SBF2: variants seen among roughly 807,000 people sequenced by gnomAD.
SBF2 encodes SET binding factor 2.
SBF2 carries 112 observed loss-of-function variants against 225.2 expected under a neutral mutation model. The ratio of observed to expected loss-of-function variants is 0.50; its 90% CI spans 0.43 to 0.58. The LOEUF is 0.58. Ranked by LOEUF, SBF2 falls within the 20% of genes least tolerant of loss-of-function variation. The pLI is 0.00. For missense variants in SBF2, 1,996 were observed against 2,206.2 expected, an observed-to-expected ratio of 0.90 and a Z score of 1.91; for synonymous variants, 763 against 773.3, an observed-to-expected ratio of 0.99 and a Z score of 0.22.
At chr11:10,186,356 A>G (rs1241808323) in intron 2 of SBF2, among the ~76,000 whole-genome samples, 1 of 152,142 alleles carries the variant, frequency 6.6e-6, no homozygotes, top group African/African-American at 2.4e-5. Context: ...TGGGAAAGAC[A>G]GACTCTGTCT....
intron 2 of SBF2, among the ~76,000 whole-genome samples, chr11:10,067,488 G>C (rs1466739527): frequency 1.3e-5 from 2 of 151,914 alleles, no homozygotes; most frequent in East Asian, 1.9e-4. Context: ...GACTAAATTG[G>C]AGAAGTAACA....
chr11:10,285,923 A>G (rs1461907451), intron 1 of SBF2, among the ~76,000 whole-genome samples: 1 of 152,248 alleles, frequency 6.6e-6, no homozygotes, highest in African/African-American at 2.4e-5. Flanking sequence ...AATGGCAACA[A>G]GCACCCGAAA....
intron 24 of SBF2, 46 bp from the exon 25 acceptor site, chr11:9,842,816 A>C (rs1270580569): frequency 3.1e-6 from 5 of 1,598,736 alleles, no homozygotes; most frequent in South Asian, 2.2e-5. Context: ...ATATAAAAGC[A>C]CTACTTGTAT....
intron 6 of SBF2, among the ~76,000 whole-genome samples, chr11:10,021,958 A>T (rs1053361904): frequency 6.6e-6 from 1 of 152,172 alleles, no homozygotes; most frequent in Non-Finnish European, 1.5e-5. Context: ...CCCAGAAAAA[A>T]GTGAATTTAG....
At chr11:9,847,519 A>C (rs1341769152) in intron 22 of SBF2, among the ~76,000 whole-genome samples, 1 of 14,012 alleles carries the variant, frequency 7.1e-5, no homozygotes, top group African/African-American at 2.5e-4. Context: ...GAGGTTTTAC[A>C]AAAAAAAAAA....
At chr11:9,967,971 C>CTCTCTCTCTCTCTCTCTCTATATATATA (rs1260685462) in intron 14 of SBF2, among the ~76,000 whole-genome samples, 2 of 91,508 alleles carry the variant, frequency 2.2e-5, no homozygotes, top group Non-Finnish European at 4.6e-5. Context: ...CTCTCTCTCT[C>CTCTCTCTCTCTCTCTCTCTATATATATA]TATATATATA....
intron 1 of SBF2, among the ~76,000 whole-genome samples, chr11:10,286,211 T>TGATG (rs1963773333): frequency 6.6e-6 from 1 of 151,442 alleles, no homozygotes; most frequent in African/African-American, 2.4e-5. Flanking sequence ...CTATGTGAAG[T>TGATG]GATGGATATG....
chr11:10,270,420 AAC>A lies in SBF2; in HGVS notation c.55+23593_55+23594del, dbSNP rs151038454. On this transcript the variant is annotated intron_variant, in intron 1 of 39. Transcript: ENST00000256190. ...AATGTTATTAATAAAATCATAAGAA[AAC>A]ACAGTTACTATTAAGTGGAAGCAGA... Among the ~76,000 whole-genome samples, 898 of 152,358 alleles carry A rather than the reference AAC, an allele frequency of 5.9e-3. 14 individuals are homozygous for A. Among genetic ancestry groups the A allele is most frequent in the African/African-American group, 0.02 (813 of 41,578 alleles).
intron 2 of SBF2, among the ~76,000 whole-genome samples, chr11:10,172,384 G>T (rs1255406376): frequency 6.6e-6 from 1 of 151,632 alleles, no homozygotes; most frequent in Non-Finnish European, 1.5e-5. Flanking sequence ...AAGGAGTCTT[G>T]CTCTGTCTCC....
chr11:9,994,107 T>C lies in SBF2; in HGVS notation c.976-109A>G, dbSNP rs1364992420. ...TATGAATTATAATATATTCCCTCCATGAATACAATTCAATTAGCTGGGGTA... is the reference window on the plus strand; with the variant it reads ...TATGAATTATAATATATTCCCTCCACGAATACAATTCAATTAGCTGGGGTA... On this transcript the variant is annotated intron_variant, in intron 9 of 39. Transcript: ENST00000256190. The C allele has an allele frequency of 1.6e-5, 14 of 855,726 alleles. No homozygotes were observed. In the Admixed American group the frequency reaches 2.8e-4, roughly 17 times the overall value. 53.0% of individuals were successfully genotyped at this position (855,726 alleles called of 1,614,324 possible). A position where few individuals can be genotyped will look rare whatever the true frequency, so the allele number is the denominator to read the frequency against.
At chr11:9,900,146 G>T (rs2137458) in intron 16 of SBF2, among the ~76,000 whole-genome samples, 12 of 150,734 alleles carry the variant, frequency 8.0e-5, no homozygotes, top group African/African-American at 2.4e-4. Flanking sequence ...TATTTTAAAA[G>T]AAAGCAGTTG....
intron 32 of SBF2, among the ~76,000 whole-genome samples, chr11:9,797,036 T>C (rs1590105931): frequency 6.6e-6 from 1 of 152,200 alleles, no homozygotes; most frequent in African/African-American, 2.4e-5. Context: ...CTAGAAAATT[T>C]TGTTTGGCTG....
chr11:9,868,292 A>C (rs994770564), intron 17 of SBF2, among the ~76,000 whole-genome samples: 3 of 140,442 alleles, frequency 2.1e-5, no homozygotes, highest in African/African-American at 7.7e-5. Flanking sequence ...CAGGAGATTG[A>C]GACCATCCTG....
chr11:10,170,447 A>G (rs1232040573), intron 2 of SBF2, among the ~76,000 whole-genome samples: 2 of 151,816 alleles, frequency 1.3e-5, no homozygotes, highest in East Asian at 3.9e-4. Flanking sequence ...AGATATACAG[A>G]TTTGTCTCTG....
At chr11:9,799,963 C>G (rs1024882209) in intron 32 of SBF2, among the ~76,000 whole-genome samples, 3 of 152,304 alleles carry the variant, frequency 2.0e-5, no homozygotes, top group Non-Finnish European at 4.4e-5. Flanking sequence ...GTTGGCCGGG[C>G]ATAGTGGCTC....
intron 2 of SBF2, among the ~76,000 whole-genome samples, chr11:10,071,954 A>T (rs1195290511): frequency 6.6e-6 from 1 of 152,132 alleles, no homozygotes; most frequent in African/African-American, 2.4e-5. Flanking sequence ...AAATCATTCA[A>T]GTTTTTGCCG....
At chr11:10,301,071 C>CA (rs1232841623) in intron 1 of SBF2, among the ~76,000 whole-genome samples, 1 of 152,134 alleles carries the variant, frequency 6.6e-6, no homozygotes, top group East Asian at 1.9e-4. Flanking sequence ...TACAGGAGCA[C>CA]AAAAATGAGG....
intron 2 of SBF2, among the ~76,000 whole-genome samples, chr11:10,054,397 T>C (rs11042600): frequency 0.014 from 2,155 of 152,340 alleles, 54 homozygotes; most frequent in African/African-American, 0.048. Context: ...ATCCTATTTG[T>C]AATCTTAATA....
At chr11:10,139,154 T>C (rs1466735810) in intron 2 of SBF2, among the ~76,000 whole-genome samples, 2 of 152,220 alleles carry the variant, frequency 1.3e-5, no homozygotes, top group Non-Finnish European at 2.9e-5. Context: ...GTATTATTTT[T>C]AGTTTACATG....
Sources: allele counts gnomAD v4.1 joint callset (sites outside exome capture counted in the v4.1 genomes callset), GRCh38; gene constraint gnomAD v4.1.1; transcripts MANE v1.5; gene names NCBI Gene and HGNC (gene_info 2026-07-23, HGNC 2026-07-21).